Variants in THEM4 observed in about 807,000 individuals in gnomAD.
THEM4 encodes the protein acyl-coenzyme A thioesterase THEM4.
Under a neutral mutation model 25.0 loss-of-function variants are expected in THEM4, and 22 were observed. The observed-to-expected ratio is 0.88, with a 90% confidence interval of 0.63 to 1.26. The LOEUF is 1.26. Among genes scored for constraint, THEM4 ranks in the 50% most tolerant of loss-of-function variants. THEM4 has a pLI of 0.00. For synonymous variants in THEM4, 113 were observed against 105.6 expected, an observed-to-expected ratio of 1.07 and a Z score of -0.43; for missense variants, 286 against 300.3, an observed-to-expected ratio of 0.95 and a Z score of 0.35.
intron 1 of THEM4, among the ~76,000 whole-genome samples, chr1:151,898,472 C>A (rs1483619145): frequency 6.6e-6 from 1 of 152,206 alleles, no homozygotes; most frequent in Non-Finnish European, 1.5e-5. Context: ...GTGCCTAGCC[C>A]CAGCCCCAGG....
intron 4 of THEM4, among the ~76,000 whole-genome samples, chr1:151,883,533 G>T (rs539506444): frequency 8.5e-5 from 13 of 152,072 alleles, no homozygotes; most frequent in Non-Finnish European, 1.3e-4. Flanking sequence ...GACACATGGG[G>T]ATTACAATTC....
At chr1:151,899,790 C>T (rs1242343976) in intron 1 of THEM4, among the ~76,000 whole-genome samples, 1 of 152,110 alleles carries the variant, frequency 6.6e-6, no homozygotes, top group Non-Finnish European at 1.5e-5. Context: ...CATGCAAATA[C>T]AAGAAGCACA....
intron 1 of THEM4, among the ~76,000 whole-genome samples, chr1:151,901,239 G>T (rs953138649): frequency 2.6e-5 from 4 of 152,078 alleles, no homozygotes; most frequent in Non-Finnish European, 5.9e-5. Flanking sequence ...GCTGGGTTAG[G>T]GTCTCCATAA....
chr1:151,889,184 A>T, intron 3 of THEM4, 30 bp downstream of exon 3: 1 of 1,604,866 alleles, frequency 6.2e-7, no homozygotes, highest in South Asian at 1.1e-5. Flanking sequence ...AAAATCTTTT[A>T]GATCCACACT....
intron 1 of THEM4, among the ~76,000 whole-genome samples, chr1:151,903,364 C>T (rs931260353): frequency 2.6e-5 from 4 of 152,256 alleles, no homozygotes; most frequent in South Asian, 4.1e-4. Context: ...TTGCTTTCTA[C>T]ATTTACCACT....
At chr1:151,882,484 T>C (rs749798651) in intron 4 of THEM4, among the ~76,000 whole-genome samples, 1 of 152,182 alleles carries the variant, frequency 6.6e-6, no homozygotes, top group Non-Finnish European at 1.5e-5. Flanking sequence ...CTTTGGTTAA[T>C]GGATGAGGAA....
intron 1 of THEM4, among the ~76,000 whole-genome samples, chr1:151,904,869 G>C (rs532606508): frequency 3.3e-5 from 5 of 152,172 alleles, no homozygotes; most frequent in Non-Finnish European, 5.9e-5. Context: ...GATCAGGAGA[G>C]AGAAAACAGG....
At position 151,877,134 on chromosome 1, in the gene THEM4, T is replaced by C. The variant is rs369919883; in HGVS notation, c.558-9A>G. 14 of 1,592,456 alleles carry C rather than the reference T, an allele frequency of 8.8e-6. No individual in the cohort carries two copies. The highest frequency in any genetic ancestry group is 1.1e-5 in the Non-Finnish European group (13 of 1,174,294). On this transcript the variant is annotated splice_polypyrimidine_tract_variant and intron_variant, in intron 4 of 5. Coordinates refer to ENST00000368814, the MANE Select transcript of THEM4 (RefSeq NM_053055.5). Reference sequence around the variant, plus strand: ...AACAAAGAGGGATAGGTCTGCAGAATAAAATGAAAAAGGAAAAAAATCAGT... The same window carrying C: ...AACAAAGAGGGATAGGTCTGCAGAACAAAATGAAAAAGGAAAAAAATCAGT...
chr1:151,890,669 A>G (rs1654076389), intron 2 of THEM4: 1 of 153,108 alleles, frequency 6.5e-6, no homozygotes, highest in Non-Finnish European at 1.5e-5. Flanking sequence ...CATACTATAT[A>G]CACTTAAGCA....
chr1:151,904,736 T>C lies in THEM4; in HGVS notation c.99+4624A>G, dbSNP rs1243744405. On this transcript the variant is annotated intron_variant, in intron 1 of 5. Coordinates refer to ENST00000368814, the MANE Select transcript of THEM4 (RefSeq NM_053055.5). ...TATTTAGGACATTGGGACTGAGGGATGTGGGGAGTTACTGACTGGGAAAGA... is the reference window on the plus strand; with the variant it reads ...TATTTAGGACATTGGGACTGAGGGACGTGGGGAGTTACTGACTGGGAAAGA... 4.6e-5 allele frequency among the ~76,000 whole-genome samples: 7 copies of C among 152,150 alleles called. No individual in the cohort carries two copies. In the East Asian group the frequency reaches 1.2e-3, roughly 25 times the overall value.
intron 3 of THEM4, 149 bp downstream of exon 3, chr1:151,889,065 A>C (rs1654031961): frequency 6.3e-6 from 3 of 473,062 alleles, no homozygotes; most frequent in Non-Finnish European, 1.1e-5. Context: ...GATGTCCTTT[A>C]ATAATGTATT....
rs530720651 is a variant in THEM4, at chr1:151,891,587, T to C, written c.287-2214A>G. 1.6e-4 allele frequency: 24 copies of C among 152,274 alleles called. 1 individual carries two copies. Among genetic ancestry groups the C allele is most frequent in the African/African-American group, 5.5e-4 (23 of 41,534 alleles). The allele number at this position is 152,274 out of a possible 1,614,324, so 9.4% of individuals were successfully genotyped here. ...GAAGGTCTTAATGAAATAACAATTG[T>C]TTCTGAGGGGCCTTTGAACAAGTAA... On this transcript the variant is annotated intron_variant, in intron 2 of 5. Coordinates refer to ENST00000368814, the MANE Select transcript of THEM4 (RefSeq NM_053055.5).
At chr1:151,875,771 A>AT (rs1402173966) in intron 5 of THEM4, among the ~76,000 whole-genome samples, 1 of 152,158 alleles carries the variant, frequency 6.6e-6, no homozygotes, top group Non-Finnish European at 1.5e-5. Flanking sequence ...GACTTCACTA[A>AT]TTGCTAGAGA....
chr1:151,886,770 G>C (rs554305568), intron 4 of THEM4, among the ~76,000 whole-genome samples: 1 of 152,232 alleles, frequency 6.6e-6, no homozygotes, highest in Admixed American at 6.5e-5. Context: ...CATAATAAAG[G>C]CTATTTATGA....
At chr1:151,906,853 G>C (rs1654480753) in intron 1 of THEM4, among the ~76,000 whole-genome samples, 1 of 152,114 alleles carries the variant, frequency 6.6e-6, no homozygotes, top group Non-Finnish European at 1.5e-5. Flanking sequence ...CTAGCTCAGG[G>C]ATTGTAAATG....
Position 151,871,325 on chromosome 1 carries a change from GAA to G in THEM4, c.*3561_*3562del, listed in dbSNP as rs11304399. Among the ~76,000 whole-genome samples, 52,643 of 123,642 alleles carry G rather than the reference GAA, an allele frequency of 0.43. 11,171 individuals are homozygous for G. Among genetic ancestry groups the G allele is most frequent in the East Asian group, 0.58 (2,529 of 4,348 alleles). 81.1% of individuals were successfully genotyped at this position (123,642 alleles called of 152,430 possible). A position where few individuals can be genotyped will look rare whatever the true frequency, so the allele number is the denominator to read the frequency against. On this transcript the variant is annotated 3_prime_UTR_variant, in exon 6 of 6. Coordinates refer to ENST00000368814, the MANE Select transcript of THEM4 (RefSeq NM_053055.5). ...AGGCGACAGAGCCAGACCCTGTCTTGAAAAAAAAAAAAAAAAAAGAAAAAGAA... is the reference window on the plus strand; with the variant it reads ...AGGCGACAGAGCCAGACCCTGTCTTGAAAAAAAAAAAAAAAAGAAAAAGAA...
chr1:151,889,067 T>C (rs1654032023), intron 3 of THEM4, 147 bp downstream of exon 3: 1 of 475,306 alleles, frequency 2.1e-6, no homozygotes, highest in African/African-American at 2.0e-5. Flanking sequence ...TGTCCTTTAA[T>C]AATGTATTAT....
At position 151,882,030 on chromosome 1, in the gene THEM4, AT is replaced by A. The variant is rs113395082; in HGVS notation, c.558-4906del. On this transcript the variant is annotated intron_variant, in intron 4 of 5. Coordinates refer to ENST00000368814, the MANE Select transcript of THEM4 (RefSeq NM_053055.5). ...TTTTCTCTGTGCTGGATTCAGGGTA[AT>A]TTTTTTTTTCTCTCTCTCTCTGCTA... Among the ~76,000 whole-genome samples the A allele has an allele frequency of 7.0e-3, 1,043 of 149,884 alleles. 11 individuals carry two copies. The highest frequency in any genetic ancestry group is 0.023 in the African/African-American group (948 of 40,882).
At chr1:151,906,777 G>T (rs11204913) in intron 1 of THEM4, among the ~76,000 whole-genome samples, 139,251 of 152,162 alleles carry the variant, frequency 0.92, 63,723 homozygotes, top group East Asian at 0.95. Flanking sequence ...GGTGGGGACT[G>T]GGAGAACCTT....
Sources: allele counts gnomAD v4.1 joint callset (sites outside exome capture counted in the v4.1 genomes callset), GRCh38; gene constraint gnomAD v4.1.1; transcripts MANE v1.5; gene names NCBI Gene and HGNC (gene_info 2026-07-23, HGNC 2026-07-21).